HPSE2: variants seen among roughly 807,000 people sequenced by gnomAD.
HPSE2 encodes the protein heparanase 2 (inactive).
In HPSE2, 38 loss-of-function variants were observed where a neutral mutation model predicts 60.5. That is an observed-to-expected ratio of 0.63 (90% CI 0.48 to 0.82). HPSE2 has a LOEUF of 0.82. HPSE2 is among the 40% of genes least tolerant of loss of function. The pLI is 0.00. For synonymous variants in HPSE2, 295 were observed against 293.2 expected, an observed-to-expected ratio of 1.01 and a Z score of -0.06; for missense variants, 713 against 740.4, an observed-to-expected ratio of 0.96 and a Z score of 0.43.
intron 3 of HPSE2, among the ~76,000 whole-genome samples, chr10:99,063,237 G>C (rs1177860615): frequency 6.6e-6 from 1 of 151,496 alleles, no homozygotes; most frequent in African/African-American, 2.4e-5. Context: ...TAAGACTGAA[G>C]AAAATATTTA....
intron 1 of HPSE2, among the ~76,000 whole-genome samples, chr10:99,234,243 T>G (rs930843177): frequency 3.3e-5 from 5 of 152,098 alleles, no homozygotes; most frequent in African/African-American, 1.2e-4. Context: ...CTCTCAGTCC[T>G]CCGGCTACCT....
intron 10 of HPSE2, among the ~76,000 whole-genome samples, 168 bp downstream of exon 10, chr10:98,489,883 G>A (rs1486022364): frequency 6.6e-6 from 1 of 152,208 alleles, no homozygotes; most frequent in East Asian, 1.9e-4. Flanking sequence ...TGGAGTAAAA[G>A]CTATTTACCA....
chr10:99,184,813 T>TAG (rs1425325095), intron 2 of HPSE2, among the ~76,000 whole-genome samples: 2 of 30,968 alleles, frequency 6.5e-5, no homozygotes, highest in African/African-American at 7.2e-5. Flanking sequence ...TATATATATA[T>TAG]ATATATAGAG....
At chr10:99,064,104 C>CA (rs1294026912) in intron 3 of HPSE2, among the ~76,000 whole-genome samples, 1 of 151,878 alleles carries the variant, frequency 6.6e-6, no homozygotes, top group African/African-American at 2.4e-5. Flanking sequence ...AAAACAAAAA[C>CA]AAAAAATAGA....
At chr10:98,765,878 T>C (rs1223927819) in intron 3 of HPSE2, among the ~76,000 whole-genome samples, 1 of 151,704 alleles carries the variant, frequency 6.6e-6, no homozygotes, top group South Asian at 2.1e-4. Context: ...TTTCACATCA[T>C]TAATCTAATC....
At chr10:98,509,948 G>A (rs1942333453) in intron 9 of HPSE2, among the ~76,000 whole-genome samples, 3 of 151,768 alleles carry the variant, frequency 2.0e-5, no homozygotes. Context: ...ATCAAGCTCT[G>A]CCAGGGACAC....
At chr10:99,091,729 G>T (rs1399833312) in intron 3 of HPSE2, among the ~76,000 whole-genome samples, 1 of 151,974 alleles carries the variant, frequency 6.6e-6, no homozygotes, top group African/African-American at 2.4e-5. Flanking sequence ...TCTTTTATGG[G>T]GGCATGAATG....
chr10:99,073,376 C>A (rs1426972692), intron 3 of HPSE2, among the ~76,000 whole-genome samples: 1 of 151,880 alleles, frequency 6.6e-6, no homozygotes, highest in Admixed American at 6.6e-5. Context: ...AACACAGGAA[C>A]AGAAAACCAA....
chr10:98,822,584 A>G (rs1285643076), intron 3 of HPSE2, among the ~76,000 whole-genome samples: 2 of 152,200 alleles, frequency 1.3e-5, no homozygotes, highest in African/African-American at 2.4e-5. Flanking sequence ...CAGTAACAAC[A>G]TTCAGTGGAA....
chr10:98,932,871 T>C (rs1388513328), intron 3 of HPSE2, among the ~76,000 whole-genome samples: 1 of 143,940 alleles, frequency 6.9e-6, no homozygotes, highest in East Asian at 2.0e-4. Flanking sequence ...CTCTCTTTTC[T>C]TCTCTATTAG....
intron 9 of HPSE2, among the ~76,000 whole-genome samples, chr10:98,562,465 C>G (rs1199479385): frequency 6.6e-6 from 1 of 152,018 alleles, no homozygotes; most frequent in Non-Finnish European, 1.5e-5. Flanking sequence ...GCCTGTAATC[C>G]CAGCACTTTG....
intron 3 of HPSE2, among the ~76,000 whole-genome samples, chr10:98,975,681 C>G (rs774539497): frequency 1.3e-5 from 2 of 151,978 alleles, no homozygotes; most frequent in Non-Finnish European, 2.9e-5. Context: ...GTTTGAAACC[C>G]AGCTCATGTG....
chr10:99,109,102 A>T (rs1844360794), intron 3 of HPSE2, among the ~76,000 whole-genome samples: 1 of 152,184 alleles, frequency 6.6e-6, no homozygotes, highest in Non-Finnish European at 1.5e-5. Context: ...CCTCTCAATA[A>T]AAATTGTGGA....
chr10:98,925,451 C>A (rs1191958617), intron 3 of HPSE2, among the ~76,000 whole-genome samples: 1 of 151,998 alleles, frequency 6.6e-6, no homozygotes, highest in Non-Finnish European at 1.5e-5. Flanking sequence ...CCAGGTTGCC[C>A]ATTCAGCCTT....
chr10:98,486,141 G>C (rs1370654702), intron 10 of HPSE2, among the ~76,000 whole-genome samples: 1 of 152,110 alleles, frequency 6.6e-6, no homozygotes, highest in East Asian at 1.9e-4. Flanking sequence ...TTGGCTTATG[G>C]GCAAGGACAT....
chr10:99,304,018 G>A, the HPSE2 span, among the ~76,000 whole-genome samples: 130,535 of 152,158 alleles, frequency 0.86, 56,373 homozygotes, highest in African/African-American at 0.93. Context: ...TTTTTACTAC[G>A]GTTTGAGCCT....
intron 9 of HPSE2, among the ~76,000 whole-genome samples, chr10:98,504,956 A>AT (rs1273224912): frequency 6.6e-6 from 1 of 152,132 alleles, no homozygotes; most frequent in Non-Finnish European, 1.5e-5. Flanking sequence ...ATGGTACGTA[A>AT]TTTCCTGTGT....
intron 3 of HPSE2, among the ~76,000 whole-genome samples, chr10:98,860,255 C>A (rs1336165467): frequency 6.6e-6 from 1 of 152,184 alleles, no homozygotes; most frequent in African/African-American, 2.4e-5. Flanking sequence ...AAGCCAATAT[C>A]ATTTAAAATG....
At chr10:98,682,122 T>C (rs1434148029) in intron 6 of HPSE2, among the ~76,000 whole-genome samples, 1 of 152,206 alleles carries the variant, frequency 6.6e-6, no homozygotes, top group Admixed American at 6.5e-5. Flanking sequence ...TTCTCATGAA[T>C]GGTTTAGCAC....
Sources: gnomAD v4.1 joint callset for allele counts (sites outside exome capture counted in the v4.1 genomes callset) on GRCh38, gnomAD v4.1.1 for gene constraint, MANE v1.5 for transcripts, NCBI Gene and HGNC (gene_info 2026-07-23, HGNC 2026-07-21) for gene names.